ITPR3: variants seen among roughly 807,000 people sequenced by gnomAD.
The protein encoded by ITPR3 is inositol 1,4,5-trisphosphate receptor type 3.
In ITPR3, 173 loss-of-function variants were observed where a neutral mutation model predicts 293.2. The observed-to-expected ratio is 0.59, with a 90% CI of 0.52 to 0.67. The LOEUF (loss-of-function observed/expected upper bound fraction) is 0.67, where lower values mean the gene tolerates loss of function less well. ITPR3 is among the 30% of genes least tolerant of loss of function. The pLI is 0.00. For missense variants in ITPR3, 2,796 were observed against 3,592.1 expected (o/e 0.78, Z 5.66); for synonymous variants, 1,295 against 1,444.4 (o/e 0.90, Z 2.35).
rs1764255683 is a variant in ITPR3 at position 33,654,197 on chromosome 6, G to T, written c.161-1569G>T. On this transcript the variant is annotated intron_variant, in intron 2 of 57. Transcript: ENST00000605930. This position sits in a 1 kb window ranked among gnomAD's most constrained non-coding sequence, Gnocchi z 4.1. ...ACAGGAGAATTGCTTGAGCCTGGGA[G>T]GTGGAGGTTGCAGTGAGCCGAGATT... 6.6e-6 allele frequency among the ~76,000 whole-genome samples: 1 copy of T among 152,170 alleles called. No homozygotes were observed. Among genetic ancestry groups the T allele is most frequent in the Non-Finnish European group, 1.5e-5 (1 of 68,044 alleles).
intron 1 of ITPR3, among the ~76,000 whole-genome samples, chr6:33,625,472 G>T (rs564606706): frequency 6.6e-6 from 1 of 152,100 alleles, no homozygotes; most frequent in Admixed American, 6.6e-5. Flanking sequence ...CAGATGATCC[G>T]CCTGCCTCGG....
At chr6:33,647,907 G>A (rs1373541172) in intron 2 of ITPR3, among the ~76,000 whole-genome samples, 1 of 152,064 alleles carries the variant, frequency 6.6e-6, no homozygotes, top group African/African-American at 2.4e-5. Context: ...CAGAGGGCGG[G>A]AGCTCGGTGA....
intron 24 of ITPR3, 151 bp downstream of exon 24, chr6:33,674,416 C>A: frequency 1.5e-6 from 1 of 685,780 alleles, no homozygotes; most frequent in Non-Finnish European, 2.4e-6. Context: ...CAGCCCCTCC[C>A]CTGCCTCCCC....
At chr6:33,662,767 CT>C in intron 8 of ITPR3, 93 bp downstream of exon 8, 1 of 1,529,352 alleles carries the variant, frequency 6.5e-7, no homozygotes, top group South Asian at 1.2e-5. Context: ...ATATTGACCC[CT>C]ACCTCCCTCT....
At position 33,666,335 on chromosome 6, in the gene ITPR3, T is replaced by C. The variant is rs760688603; in HGVS notation, c.1551+359T>C. Among the ~76,000 whole-genome samples the C allele has an allele frequency of 7.2e-5, 11 of 151,974 alleles. No homozygotes were observed. Among genetic ancestry groups the C allele is most frequent in the Non-Finnish European group, 1.2e-4 (8 of 67,964 alleles). ...TTTTTATTATGAGAATCATCAAATATTGAGAAAGTATTGGAAGAATAGTAC... is the reference window on the plus strand; with the variant it reads ...TTTTTATTATGAGAATCATCAAATACTGAGAAAGTATTGGAAGAATAGTAC... On this transcript the variant is annotated intron_variant, in intron 14 of 57. Transcript: ENST00000605930. This position sits in a 1 kb window ranked among gnomAD's most constrained non-coding sequence, Gnocchi z 5.1.
In ITPR3 at chr6:33,621,737, C is replaced by T; in HGVS notation, c.89+46C>T. On this transcript the variant is annotated intron_variant, in intron 1 of 57. Coordinates refer to ENST00000605930, the MANE Select transcript of ITPR3 (RefSeq NM_002224.4). The surrounding 1 kb of genome is among the most constrained non-coding windows in gnomAD (Gnocchi z 7.7). ...AGGGGCGCGGGTAAAGAGGGGGCGC[C>T]GTGGGCCCTGGTGCCAGCTGCGTGC... 3 of 1,450,544 alleles carry T rather than the reference C, an allele frequency of 2.1e-6. No individual in the cohort carries two copies. Among genetic ancestry groups the T allele is most frequent in the East Asian group, 4.8e-5 (2 of 41,240 alleles). The allele number at this position is 1,450,544 out of a possible 1,614,324, so 89.9% of individuals were successfully genotyped here.
At chr6:33,668,377 C>A in intron 16 of ITPR3, 138 bp from the exon 17 acceptor site, 1 of 1,189,984 alleles carries the variant, frequency 8.4e-7, no homozygotes, top group Non-Finnish European at 1.2e-6. Context: ...GAGTCCATCC[C>A]ACCCATCTCT....
At chr6:33,694,824 A>T in intron 56 of ITPR3, 100 bp from the exon 57 acceptor site, 2 of 1,443,768 alleles carry the variant, frequency 1.4e-6, no homozygotes, top group South Asian at 1.2e-5. Flanking sequence ...TAGTTTTGTT[A>T]AGGGTGTGGC....
intron 2 of ITPR3, among the ~76,000 whole-genome samples, chr6:33,647,498 A>G (rs1231784271): frequency 6.6e-6 from 1 of 152,116 alleles, no homozygotes; most frequent in Non-Finnish European, 1.5e-5. Flanking sequence ...CTCAGTACCC[A>G]TTAAACAATA....
chr6:33,685,344 A>G lies in ITPR3; in HGVS notation c.5308-15A>G, dbSNP rs1452175756. ...CCAGTGCTGAGGTTGTTCCCTGGCC[A>G]CTGTCCACCTCCAGAAATCCTTCCA... On this transcript the variant is annotated splice_polypyrimidine_tract_variant and intron_variant, in intron 39 of 57. Coordinates refer to ENST00000605930, the MANE Select transcript of ITPR3 (RefSeq NM_002224.4). 2 of 1,603,406 alleles carry G rather than the reference A, an allele frequency of 1.2e-6. No individual in the cohort carries two copies. The highest frequency in any genetic ancestry group is 1.7e-6 in the Non-Finnish European group (2 of 1,171,630).
At chr6:33,631,320 G>A (rs984987595) in intron 1 of ITPR3, among the ~76,000 whole-genome samples, 3 of 152,228 alleles carry the variant, frequency 2.0e-5, no homozygotes, top group African/African-American at 7.2e-5. Context: ...AACGGCTGGG[G>A]TCACTGATAT....
chr6:33,665,763 G>C (rs1764593102), intron 13 of ITPR3, 72 bp from the exon 14 acceptor site: 10 of 1,562,464 alleles, frequency 6.4e-6, no homozygotes, highest in Non-Finnish European at 8.8e-6. Context: ...TTTTGGGAGG[G>C]ACTGGCTCCC....
chr6:33,686,956 A>T, intron 43 of ITPR3, 53 bp from the exon 44 acceptor site: 1 of 1,409,410 alleles, frequency 7.1e-7, no homozygotes, highest in Non-Finnish European at 1.0e-6. Context: ...AGAAGTTGTC[A>T]GGGGCATGGT....
chr6:33,680,531 A>C, intron 32 of ITPR3, 24 bp from the exon 33 acceptor site: 1 of 1,612,104 alleles, frequency 6.2e-7, no homozygotes, highest in Non-Finnish European at 8.5e-7. Flanking sequence ...AGGAGCCCCC[A>C]GCCATCCCTC....
At position 33,695,861 on chromosome 6, in the gene ITPR3, T is replaced by A. The variant is rs1259528633; in HGVS notation, c.*81T>A. ...GAAGAACACTGCCCCCTCCCTCGGG[T>A]TGGGTGGCCCAGCCAGCTGGCCAGC... On this transcript the variant is annotated 3_prime_UTR_variant, in exon 58 of 58. Transcript: ENST00000605930. 10 of 1,440,970 alleles carry A rather than the reference T, an allele frequency of 6.9e-6. No individual in the cohort carries two copies. Among genetic ancestry groups the A allele is most frequent in the Non-Finnish European group, 9.7e-6 (10 of 1,029,756 alleles). 89.3% of individuals were successfully genotyped at this position (1,440,970 alleles called of 1,614,324 possible).
Position 33,667,113 on chromosome 6 carries a change from C to G in ITPR3, c.1552-16C>G. On this transcript the variant is annotated splice_polypyrimidine_tract_variant and intron_variant, in intron 14 of 57. Coordinates refer to ENST00000605930, the MANE Select transcript of ITPR3 (RefSeq NM_002224.4). The surrounding 1 kb of genome is among the most constrained non-coding windows in gnomAD (Gnocchi z 4.4). ...AGGTGTTGGGGAATCAGTCCTCACCCTCTGTATTCCCCCAGGTCTTTGGCA... is the reference window on the plus strand; with the variant it reads ...AGGTGTTGGGGAATCAGTCCTCACCGTCTGTATTCCCCCAGGTCTTTGGCA... 6.2e-7 allele frequency: 1 copy of G among 1,612,428 alleles called. No homozygotes were observed. The highest frequency in any genetic ancestry group is 1.1e-5 in the South Asian group (1 of 90,868).
rs1391688370 is a variant in ITPR3, at chr6:33,692,932, G to T, written c.7624+39G>T. The T allele has an allele frequency of 1.2e-6, 2 of 1,603,654 alleles. No individual in the cohort carries two copies. Among genetic ancestry groups the T allele is most frequent in the South Asian group, 2.2e-5 (2 of 90,048 alleles). ...CCTGCTCTGTGGAGGCCGCAGCGGG[G>T]CTGGAACGTCATCTGATGCCAGTGG... On this transcript the variant is annotated intron_variant, in intron 55 of 57. Coordinates refer to ENST00000605930, the MANE Select transcript of ITPR3 (RefSeq NM_002224.4). This position sits in a 1 kb window ranked among gnomAD's most constrained non-coding sequence, Gnocchi z 4.2.
At chr6:33,639,877 G>A (rs1763909133) in intron 1 of ITPR3, among the ~76,000 whole-genome samples, 3 of 152,090 alleles carry the variant, frequency 2.0e-5, no homozygotes, top group Admixed American at 2.0e-4. Flanking sequence ...TTGTCCTAGG[G>A]TGAACCAAGG....
rs995611917 is a variant in ITPR3 at position 33,664,061 on chromosome 6, T to C, written c.1148+181T>C. 1.4e-4 allele frequency among the ~76,000 whole-genome samples: 22 copies of C among 152,252 alleles called. No homozygotes were observed. The highest frequency in any genetic ancestry group is 1.1e-3 in the Admixed American group (17 of 15,300). ...GAGTCTGTCGGCGGCTGACCACCAT[T>C]GCATGCCTGCCTGGTGCCTGGCGCC... On this transcript the variant is annotated intron_variant, in intron 11 of 57. Coordinates refer to ENST00000605930, the MANE Select transcript of ITPR3 (RefSeq NM_002224.4). The surrounding 1 kb of genome is among the most constrained non-coding windows in gnomAD (Gnocchi z 4.4).
Sources: allele counts gnomAD v4.1 joint callset (sites outside exome capture counted in the v4.1 genomes callset), GRCh38; gene constraint gnomAD v4.1.1; non-coding constraint Gnocchi (gnomAD v3.1); transcripts MANE v1.5; gene names NCBI Gene and HGNC (gene_info 2026-07-23, HGNC 2026-07-21).